Variants in KCTD1 observed in about 807,000 individuals in gnomAD.
KCTD1 encodes potassium channel tetramerization domain containing 1.
In KCTD1, 24 loss-of-function variants were observed where a neutral mutation model predicts 66.0. The observed-to-expected ratio is 0.36, with a 90% confidence interval of 0.26 to 0.51. The LOEUF is 0.51. Among genes scored for constraint, KCTD1 ranks in the 20% least tolerant of loss-of-function variants. The pLI, the probability that KCTD1 is intolerant of heterozygous loss-of-function variation, is 0.95. For missense variants in KCTD1, 943 were observed against 1,205.2 expected (o/e 0.78, Z 3.22); for synonymous variants, 511 against 517.2 (o/e 0.99, Z 0.16).
chr18:26,645,742 G>A (rs973006329), intron 1 of KCTD1, among the ~76,000 whole-genome samples: 4 of 152,076 alleles, frequency 2.6e-5, no homozygotes, highest in South Asian at 2.1e-4. Context: ...CTCTAGGGTC[G>A]ACTTTACCCC....
intron 2 of KCTD1, among the ~76,000 whole-genome samples, chr18:26,489,348 A>G (rs1285495353): frequency 6.6e-6 from 1 of 152,168 alleles, no homozygotes; most frequent in Non-Finnish European, 1.5e-5. Context: ...CGTTTCAGTG[A>G]TCCATGTTTC....
At chr18:26,494,021 T>C (rs916349232) in intron 2 of KCTD1, among the ~76,000 whole-genome samples, 2 of 152,190 alleles carry the variant, frequency 1.3e-5, no homozygotes, top group Admixed American at 6.5e-5. Context: ...AGGACTTTTG[T>C]TGGTAACTAT....
At chr18:26,564,840 G>C (rs574094834) in intron 1 of KCTD1, among the ~76,000 whole-genome samples, 1 of 151,268 alleles carries the variant, frequency 6.6e-6, no homozygotes, top group South Asian at 2.1e-4. Flanking sequence ...AGTGAGCTGA[G>C]ACTGTGCCAT....
upstream of KCTD1, among the ~76,000 whole-genome samples, chr18:26,629,529 A>G (rs1987572232): frequency 1.3e-5 from 2 of 152,220 alleles, no homozygotes; most frequent in African/African-American, 4.8e-5. Flanking sequence ...TAGAAATGTC[A>G]AGGTTTCCCG....
chr18:26,591,856 A>G (rs754707045), intron 1 of KCTD1, among the ~76,000 whole-genome samples: 2 of 152,270 alleles, frequency 1.3e-5, no homozygotes, highest in Non-Finnish European at 2.9e-5. Context: ...GGAGTTTACC[A>G]TCAGGACTGT....
At chr18:26,524,973 C>A (rs79101192) in intron 1 of KCTD1, among the ~76,000 whole-genome samples, 1 of 152,094 alleles carries the variant, frequency 6.6e-6, no homozygotes, top group African/African-American at 2.4e-5. Context: ...TGGATGAACT[C>A]CACCCAGAAA....
chr18:26,515,065 T>TG (rs1330953314), intron 1 of KCTD1, among the ~76,000 whole-genome samples: 2 of 152,242 alleles, frequency 1.3e-5, no homozygotes, highest in East Asian at 3.8e-4. Flanking sequence ...TCTGTGTTCT[T>TG]GGAGATATAT....
intron 1 of KCTD1, among the ~76,000 whole-genome samples, chr18:26,623,579 C>A (rs1351913947): frequency 6.6e-6 from 1 of 152,148 alleles, no homozygotes; most frequent in Admixed American, 6.5e-5. Flanking sequence ...CCCTTTCCAC[C>A]ATAATTGTAA....
At chr18:26,543,518 T>C (rs546817773) in intron 1 of KCTD1, 1 of 152,394 alleles carries the variant, frequency 6.6e-6, no homozygotes, top group East Asian at 1.9e-4. Context: ...CCTGAGTGGA[T>C]TCCCTGAGCT....
At chr18:26,549,773 G>C, upstream of KCTD1, 1 of 985,530 alleles carries the variant, frequency 1.0e-6, no homozygotes, top group African/African-American at 1.7e-5. Context: ...GGGCTGCGCT[G>C]CCTCAGGCGC....
chr18:26,503,192 A>C (rs1982855220), intron 1 of KCTD1, among the ~76,000 whole-genome samples: 4 of 152,202 alleles, frequency 2.6e-5, no homozygotes, highest in Admixed American at 2.6e-4. Context: ...TGTTTACTAC[A>C]TTATTCTTTA....
At chr18:26,466,373 A>T (rs1050591902) in intron 3 of KCTD1, among the ~76,000 whole-genome samples, 2 of 152,150 alleles carry the variant, frequency 1.3e-5, no homozygotes, top group Non-Finnish European at 2.9e-5. Flanking sequence ...GCTTCCACTA[A>T]TTCTATGAGA....
At chr18:26,630,290 T>G (rs1422939600), upstream of KCTD1, among the ~76,000 whole-genome samples, 1 of 152,142 alleles carries the variant, frequency 6.6e-6, no homozygotes, top group Non-Finnish European at 1.5e-5. Flanking sequence ...ATTGTTAATT[T>G]TATTAAGTCT....
chr18:26,546,871 A>C lies in KCTD1; in HGVS notation c.1666T>G (p.Cys556Gly). 6.7e-7 allele frequency: 1 copy of C among 1,501,358 alleles called. No individual in the cohort carries two copies. The highest frequency in any genetic ancestry group is 8.9e-7 in the Non-Finnish European group (1 of 1,124,792). The allele number at this position is 1,501,358 out of a possible 1,614,324, so 93.0% of individuals were successfully genotyped here. ...ICGPTSPKRL[C>G]IRPSEPVDAV... is the part of the protein sequence containing the mutation. Reference sequence around the variant, plus strand: ...TCCACAGGCTCCGAGGGGCGGATACAAAGTCTTTTGGGGGAAGTGGGGCCG... The same window carrying C: ...TCCACAGGCTCCGAGGGGCGGATACCAAGTCTTTTGGGGGAAGTGGGGCCG... Residue 556 changes from cysteine to glycine, a missense_variant, in exon 1 of 5, where the codon TGT becomes GGT. By Grantham distance (159) the Cys-to-Gly change is radical. Transcript: ENST00000580059.
intron 1 of KCTD1, among the ~76,000 whole-genome samples, chr18:26,600,608 C>T (rs1986871695): frequency 1.3e-5 from 2 of 151,966 alleles, no homozygotes; most frequent in African/African-American, 4.8e-5. Flanking sequence ...GGGAGTGTGT[C>T]CTGAAGAAGC....
chr18:26,476,768 G>A lies in KCTD1; in HGVS notation c.1989-109C>T. 1 of 935,362 alleles carries A rather than the reference G, an allele frequency of 1.1e-6. No individual in the cohort carries two copies. Among genetic ancestry groups the A allele is most frequent in the Non-Finnish European group, 1.6e-6 (1 of 611,500 alleles). 57.9% of individuals were successfully genotyped at this position (935,362 alleles called of 1,614,324 possible). Reference sequence around the variant, plus strand: ...AAAGGTAGCACTTTTGAAGATGGCAGTAGGGAAAAATTACGATTGTCTGCA... The same window carrying A: ...AAAGGTAGCACTTTTGAAGATGGCAATAGGGAAAAATTACGATTGTCTGCA... On this transcript the variant is annotated intron_variant, in intron 2 of 4. Transcript: ENST00000580059. The surrounding 1 kb of genome is among the most constrained non-coding windows in gnomAD (Gnocchi z 4.9).
intron 1 of KCTD1, among the ~76,000 whole-genome samples, chr18:26,618,761 T>A (rs1187077474): frequency 6.6e-6 from 1 of 152,238 alleles, no homozygotes; most frequent in Non-Finnish European, 1.5e-5. Context: ...TCCAACTATT[T>A]TCAACTATTT....
At chr18:26,538,516 C>T (rs749078272) in intron 1 of KCTD1, among the ~76,000 whole-genome samples, 4 of 152,060 alleles carry the variant, frequency 2.6e-5, no homozygotes, top group Non-Finnish European at 4.4e-5. Context: ...TCTATGGATG[C>T]CCCAAAAGAA....
At chr18:26,523,385 T>G (rs957498863) in intron 1 of KCTD1, among the ~76,000 whole-genome samples, 1 of 152,246 alleles carries the variant, frequency 6.6e-6, no homozygotes, top group Non-Finnish European at 1.5e-5. Context: ...TTTGGCTTAT[T>G]TTGAGGCTCA....
Sources: allele counts gnomAD v4.1 joint callset (sites outside exome capture counted in the v4.1 genomes callset), GRCh38; gene constraint gnomAD v4.1.1; non-coding constraint Gnocchi (gnomAD v3.1); transcripts MANE v1.5; gene names NCBI Gene and HGNC (gene_info 2026-07-23, HGNC 2026-07-21).